The following RAB6A variants were observed in gnomAD, a reference collection of about 807,000 sequenced individuals.
RAB6A encodes the protein ras-related protein Rab-6A.
RAB6A carries 8 observed loss-of-function variants against 32.3 expected under a neutral mutation model. The observed-to-expected ratio is 0.25, with a 90% CI of 0.15 to 0.45. The LOEUF is 0.45. Ranked by LOEUF, RAB6A falls within the 20% of genes least tolerant of loss-of-function variation. RAB6A has a pLI of 1.00. For missense variants in RAB6A, 104 were observed against 249.4 expected (o/e 0.42, Z 3.93); for synonymous variants, 73 against 82.1 (o/e 0.89, Z 0.60).
intron 1 of RAB6A, among the ~76,000 whole-genome samples, chr11:73,747,766 A>G (rs1269094113): frequency 2.0e-5 from 3 of 152,088 alleles, no homozygotes; most frequent in Non-Finnish European, 2.9e-5. Flanking sequence ...AATACTTGTC[A>G]GTTGTTTCAT....
chr11:73,712,462 T>C (rs1480527986), intron 5 of RAB6A, among the ~76,000 whole-genome samples: 1 of 152,066 alleles, frequency 6.6e-6, no homozygotes, highest in African/African-American at 2.4e-5. Flanking sequence ...GCAATTCTCC[T>C]GCCTCAGCCT....
At chr11:73,711,959 G>A (rs1405967780) in intron 5 of RAB6A, among the ~76,000 whole-genome samples, 1 of 152,106 alleles carries the variant, frequency 6.6e-6, no homozygotes, top group East Asian at 1.9e-4. Context: ...TTTCTATAGT[G>A]ATGTTTATCT....
At chr11:73,702,979 C>T (rs1299312388) in intron 6 of RAB6A, among the ~76,000 whole-genome samples, 1 of 151,842 alleles carries the variant, frequency 6.6e-6, no homozygotes, top group African/African-American at 2.4e-5. Context: ...GCCTCAGACT[C>T]CCGAGTAGCT....
At chr11:73,736,100 A>G (rs1046963625) in intron 1 of RAB6A, among the ~76,000 whole-genome samples, 2 of 151,948 alleles carry the variant, frequency 1.3e-5, no homozygotes, top group African/African-American at 4.8e-5. Context: ...CAGACGATAC[A>G]GGTGGAAAGT....
At chr11:73,742,801 ATC>A (rs1491052952) in intron 1 of RAB6A, among the ~76,000 whole-genome samples, 2 of 151,688 alleles carry the variant, frequency 1.3e-5, no homozygotes, top group African/African-American at 4.8e-5. Context: ...AAGAATGAAA[ATC>A]TGTCTCAAAA....
chr11:73,732,562 G>A (rs923307841), intron 1 of RAB6A, among the ~76,000 whole-genome samples: 1 of 152,140 alleles, frequency 6.6e-6, no homozygotes, highest in Admixed American at 6.5e-5. Context: ...CTCCAGACTG[G>A]GTGACAGAGC....
chr11:73,756,664 G>C (rs1249151055), intron 1 of RAB6A, among the ~76,000 whole-genome samples: 4 of 152,050 alleles, frequency 2.6e-5, no homozygotes, highest in Non-Finnish European at 5.9e-5. Flanking sequence ...TTCCAATTGT[G>C]TATTTCAACA....
intron 1 of RAB6A, among the ~76,000 whole-genome samples, chr11:73,734,404 G>T (rs1946362677): frequency 6.6e-6 from 1 of 152,070 alleles, no homozygotes; most frequent in African/African-American, 2.4e-5. Context: ...GGGATTACAG[G>T]CTTCAGCCAC....
intron 2 of RAB6A, among the ~76,000 whole-genome samples, chr11:73,726,713 G>C (rs568724414): frequency 4.0e-5 from 6 of 148,544 alleles, no homozygotes; most frequent in African/African-American, 1.5e-4. Context: ...TCACACCACT[G>C]CACTCCAGCC....
chr11:73,679,643 A>G lies in RAB6A; in HGVS notation c.562+11T>C. The G allele has an allele frequency of 6.2e-7, 1 of 1,613,838 alleles. No individual in the cohort carries two copies. Among genetic ancestry groups the G allele is most frequent in the Non-Finnish European group, 8.5e-7 (1 of 1,179,724 alleles). On this transcript the variant is annotated intron_variant, in intron 7 of 7. Coordinates refer to ENST00000336083, the MANE Select transcript of RAB6A (RefSeq NM_198896.2). ...AATAATGAAAAATTTCCAATGAAATAAAAAGGATACTATCTTCTCTGCTTC... is the reference window on the plus strand; with the variant it reads ...AATAATGAAAAATTTCCAATGAAATGAAAAGGATACTATCTTCTCTGCTTC...
intron 7 of RAB6A, among the ~76,000 whole-genome samples, chr11:73,679,252 G>C (rs1318178327): frequency 6.6e-6 from 1 of 152,150 alleles, no homozygotes; most frequent in African/African-American, 2.4e-5. Context: ...TGAAAGCAGA[G>C]GCTACAATAA....
intron 6 of RAB6A, among the ~76,000 whole-genome samples, chr11:73,702,167 GT>G (rs958308878): frequency 2.6e-5 from 4 of 151,972 alleles, no homozygotes; most frequent in African/African-American, 9.7e-5. Flanking sequence ...TATATAAGGT[GT>G]TTTTTTGTTT....
At chr11:73,708,206 T>C (rs184302289) in intron 5 of RAB6A, among the ~76,000 whole-genome samples, 89 of 152,318 alleles carry the variant, frequency 5.8e-4, no homozygotes, top group African/African-American at 2.1e-3. Context: ...TTTGCTCTTG[T>C]CACCCAGGCT....
At chr11:73,703,126 T>A (rs7108695) in intron 6 of RAB6A, among the ~76,000 whole-genome samples, 139,054 of 151,966 alleles carry the variant, frequency 0.92, 63,789 homozygotes, top group East Asian at 1. Context: ...CTGGCCTAAT[T>A]AAAAAAAATT....
intron 1 of RAB6A, 138 bp downstream of exon 1, chr11:73,760,428 G>A (rs1268782106): frequency 8.6e-7 from 1 of 1,159,490 alleles, no homozygotes; most frequent in East Asian, 2.6e-5. Context: ...GCACCGGGGG[G>A]CACATCGGGA....
chr11:73,724,768 G>A (rs573580975), intron 2 of RAB6A, among the ~76,000 whole-genome samples: 1 of 152,230 alleles, frequency 6.6e-6, no homozygotes, highest in Non-Finnish European at 1.5e-5. Context: ...TTACAGGCGT[G>A]AGCCACTGCG....
Position 73,718,688 on chromosome 11 carries a change from G to T in RAB6A, c.214C>A (p.Gln72Lys). 6.2e-7 allele frequency: 1 copy of T among 1,614,072 alleles called. No homozygotes were observed. Among genetic ancestry groups the T allele is most frequent in the South Asian group, 1.1e-5 (1 of 91,070 alleles). ...VRLQLWDTAGQERFRSLIPSY... is the reference protein window; with the variant it reads ...VRLQLWDTAGKERFRSLIPSY... ...GGAATCAAGCTCCTGAACCGCTCTT[G>T]ACCTGCTGTGTCCCATAATTGCAAT... Residue 72 changes from glutamine to lysine, a missense_variant, in exon 4 of 8, where the codon CAA (glutamine) becomes AAA (lysine). Around this residue, in one of 4 missense-constraint regions of RAB6A, gnomAD observed 48 missense variants for 155.2 expected, o/e 0.31. Transcript: ENST00000336083.
At chr11:73,739,278 A>ATAT (rs1448381477) in intron 1 of RAB6A, among the ~76,000 whole-genome samples, 1 of 18,832 alleles carries the variant, frequency 5.3e-5, no homozygotes, top group African/African-American at 1.1e-4. Context: ...AAAAAAAAAA[A>ATAT]AAAAAAATAT....
chr11:73,716,177 AT>A, intron 5 of RAB6A, 73 bp downstream of exon 5: 2 of 1,190,442 alleles, frequency 1.7e-6, no homozygotes, highest in Non-Finnish European at 2.4e-6. Flanking sequence ...TTTCAAAACA[AT>A]TTCTCAGTGA....
Sources: gnomAD v4.1 joint callset for allele counts (sites outside exome capture counted in the v4.1 genomes callset) on GRCh38, gnomAD v4.1.1 for gene constraint, gnomAD v4.1.1 regional missense constraint, MANE v1.5 for transcripts, NCBI Gene and HGNC (gene_info 2026-07-23, HGNC 2026-07-21) for gene names.